OR9Q1: variants seen among roughly 807,000 people sequenced by gnomAD.
OR9Q1 encodes the protein olfactory receptor 9Q1.
For synonymous variants in OR9Q1, 153 were observed against 148.6 expected (o/e 1.03, Z -0.22); for missense variants, 374 against 378.8 (o/e 0.99, Z 0.11).
chr11:58,075,055 G>T (rs1853526558), intron 2 of OR9Q1, among the ~76,000 whole-genome samples: 1 of 152,098 alleles, frequency 6.6e-6, no homozygotes, highest in Non-Finnish European at 1.5e-5. Context: ...CTCTGGCTTT[G>T]TTCTTTTTGC....
At chr11:58,080,366 C>T (rs779154188) in intron 2 of OR9Q1, among the ~76,000 whole-genome samples, 19 of 151,958 alleles carry the variant, frequency 1.3e-4, no homozygotes, top group Non-Finnish European at 2.2e-4. Flanking sequence ...TGCATATGTA[C>T]CACATTAAAA....
intron 2 of OR9Q1, among the ~76,000 whole-genome samples, chr11:58,146,712 T>C (rs1242421800): frequency 6.6e-6 from 1 of 152,110 alleles, no homozygotes; most frequent in Non-Finnish European, 1.5e-5. Context: ...TGAGAGAAAT[T>C]AACGTTTAAG....
At chr11:58,173,093 T>A (rs1381518814) in intron 2 of OR9Q1, among the ~76,000 whole-genome samples, 2 of 152,244 alleles carry the variant, frequency 1.3e-5, no homozygotes, top group Middle Eastern at 3.4e-3. Context: ...TACTCTTGGG[T>A]ATGAAAAAAT....
chr11:58,108,942 G>C (rs976644744), intron 2 of OR9Q1: 1 of 380,774 alleles, frequency 2.6e-6, no homozygotes, highest in African/African-American at 2.1e-5. Flanking sequence ...GGGAGGTGCA[G>C]GTGGAGAAGG....
chr11:58,083,546 G>T (rs1370013164), intron 2 of OR9Q1, among the ~76,000 whole-genome samples: 6 of 151,572 alleles, frequency 4.0e-5, no homozygotes, highest in African/African-American at 1.5e-4. Flanking sequence ...CAAGGCCAGA[G>T]GGTATTTCCT....
At chr11:58,143,646 A>G (rs979670107) in intron 2 of OR9Q1, among the ~76,000 whole-genome samples, 3 of 152,216 alleles carry the variant, frequency 2.0e-5, no homozygotes, top group Non-Finnish European at 2.9e-5. Flanking sequence ...TGGGAGATGA[A>G]CAATGAAAAC....
chr11:58,178,768 T>A (rs1282237199), intron 2 of OR9Q1, among the ~76,000 whole-genome samples: 1 of 151,616 alleles, frequency 6.6e-6, no homozygotes, highest in Non-Finnish European at 1.5e-5. Context: ...TACCTGTATC[T>A]GTTTTGTCAA....
chr11:58,168,859 G>A (rs1195514510), intron 2 of OR9Q1, among the ~76,000 whole-genome samples: 1 of 151,966 alleles, frequency 6.6e-6, no homozygotes, highest in Non-Finnish European at 1.5e-5. Flanking sequence ...AAAATTCACA[G>A]GTTTTAATAA....
Position 58,039,731 on chromosome 11 carries a change from A to T in OR9Q1, c.-93+15627A>T, listed in dbSNP as rs531194509. ...TAGATATGTTTAGTCCACTCCACTC[A>T]GGTTAGGTTGGTGATGGCAGATCAC... is the stretch of plus-strand genomic sequence containing the variant. On this transcript the variant is annotated intron_variant, in intron 1 of 2. Coordinates refer to ENST00000335397, the MANE Select transcript of OR9Q1 (RefSeq NM_001005212.4). Among the ~76,000 whole-genome samples the T allele has an allele frequency of 8.5e-5, 13 of 152,342 alleles. No homozygotes were observed. In the South Asian group the frequency reaches 2.7e-3, roughly 32 times the overall value.
chr11:58,136,537 T>C (rs1854190783), intron 2 of OR9Q1, among the ~76,000 whole-genome samples: 1 of 152,182 alleles, frequency 6.6e-6, no homozygotes. Context: ...TACTGTTTGT[T>C]TTCCCTAATC....
chr11:58,144,850 G>A (rs756977417), intron 2 of OR9Q1: 4 of 152,388 alleles, frequency 2.6e-5, no homozygotes, highest in African/African-American at 7.2e-5. Flanking sequence ...TGACCGGTAC[G>A]TGGCTGTGTG....
At chr11:58,064,508 T>G (rs1286951810) in intron 2 of OR9Q1, among the ~76,000 whole-genome samples, 1 of 152,036 alleles carries the variant, frequency 6.6e-6, no homozygotes, top group Non-Finnish European at 1.5e-5. Context: ...TCCAGGAAGG[T>G]CATCCCTCCA....
At chr11:58,128,812 AAATAT>A (rs1413734550) in intron 2 of OR9Q1, among the ~76,000 whole-genome samples, 1 of 152,234 alleles carries the variant, frequency 6.6e-6, no homozygotes, top group African/African-American at 2.4e-5. Context: ...ATAAAAAAGC[AAATAT>A]AATACTAAAG....
At chr11:58,112,294 AAG>A (rs199976519) in intron 2 of OR9Q1, among the ~76,000 whole-genome samples, 18,751 of 141,834 alleles carry the variant, frequency 0.13, 1,366 homozygotes, top group South Asian at 0.23. Context: ...CTTCGTCTCA[AAG>A]AAAAAAAAAA....
intron 2 of OR9Q1, among the ~76,000 whole-genome samples, chr11:58,070,163 G>A (rs1056880856): frequency 3.3e-5 from 5 of 149,420 alleles, no homozygotes; most frequent in Admixed American, 6.8e-5. Context: ...CACCATGCCT[G>A]CATAATTTTT....
At chr11:58,114,446 T>C (rs1445595144) in intron 2 of OR9Q1, among the ~76,000 whole-genome samples, 1 of 152,154 alleles carries the variant, frequency 6.6e-6, no homozygotes, top group Non-Finnish European at 1.5e-5. Flanking sequence ...CTGCAAACCA[T>C]AAATTAATGA....
At chr11:58,123,140 A>T (rs1004690702) in intron 2 of OR9Q1, among the ~76,000 whole-genome samples, 1 of 152,184 alleles carries the variant, frequency 6.6e-6, no homozygotes, top group African/African-American at 2.4e-5. Context: ...TTGGGAGATT[A>T]ATTTGTCTAA....
chr11:58,141,125 G>T (rs566723996), intron 2 of OR9Q1, among the ~76,000 whole-genome samples: 23 of 152,272 alleles, frequency 1.5e-4, no homozygotes, highest in African/African-American at 5.5e-4. Flanking sequence ...TGTGATTTTT[G>T]CACATTGTTT....
chr11:58,148,721 G>A (rs1387909199), intron 2 of OR9Q1, among the ~76,000 whole-genome samples: 1 of 152,188 alleles, frequency 6.6e-6, no homozygotes, highest in Non-Finnish European at 1.5e-5. Flanking sequence ...TTTGCCTGAT[G>A]CTGAATTCAA....
Sources: allele counts gnomAD v4.1 joint callset (sites outside exome capture counted in the v4.1 genomes callset), GRCh38; gene constraint gnomAD v4.1.1; transcripts MANE v1.5; gene names NCBI Gene and HGNC (gene_info 2026-07-23, HGNC 2026-07-21).